NEK8: variants seen among roughly 807,000 people sequenced by gnomAD.
NEK8 encodes NIMA related kinase 8, also known as serine/threonine-protein kinase Nek8.
A neutral mutation model predicts 77.2 loss-of-function variants in NEK8; 51 were observed. The observed-to-expected ratio is 0.66, with a 90% confidence interval of 0.53 to 0.83. The LOEUF is 0.83. Among genes scored for constraint, NEK8 ranks in the 40% least tolerant of loss-of-function variants. The pLI is 0.00. For missense variants in NEK8, 787 were observed against 909.2 expected (o/e 0.87, Z 1.73); for synonymous variants, 365 against 363.2 (o/e 1.00, Z -0.06).
chr17:28,738,635 C>CT (rs1567761101), intron 8 of NEK8, 36 bp from the exon 9 acceptor site: 3 of 1,598,468 alleles, frequency 1.9e-6, no homozygotes, highest in Admixed American at 3.3e-5. Context: ...TGTTTAACTT[C>CT]TTTCCCTTCT....
At chr17:28,738,835 G>A (rs559477180) in intron 9 of NEK8, 88 bp downstream of exon 9, 4 of 1,080,530 alleles carry the variant, frequency 3.7e-6, no homozygotes, top group East Asian at 2.4e-5. Flanking sequence ...GGGGGCAGGG[G>A]AGTTCCCAGC....
chr17:28,737,224 G>C lies in NEK8; in HGVS notation c.619-82G>C, dbSNP rs1048136877. On this transcript the variant is annotated intron_variant, in intron 4 of 14. Transcript: ENST00000268766. This position sits in a 1 kb window ranked among gnomAD's most constrained non-coding sequence, Gnocchi z 4.8. ...TAGCATGATGCCTCCAGGCAAAGCT[G>C]TTATTATCCCAGGAGACCAGGGGCT... is the stretch of plus-strand genomic sequence containing the variant. 8 of 1,428,772 alleles carry C rather than the reference G, an allele frequency of 5.6e-6. No individual in the cohort carries two copies. Among genetic ancestry groups the C allele is most frequent in the African/African-American group, 4.2e-5 (3 of 71,036 alleles). 88.5% of individuals were successfully genotyped at this position (1,428,772 alleles called of 1,614,324 possible).
Position 28,738,083 on chromosome 17 carries a change from C to T in NEK8, c.1072-12C>T, listed in dbSNP as rs780977790. The T allele has an allele frequency of 7.4e-6, 12 of 1,612,992 alleles. No individual in the cohort carries two copies. In the South Asian group the frequency reaches 1.3e-4, roughly 18 times the overall value. ...GGGTGCTCAGGCGCTGCCCATCCCC[C>T]TGCCCCTGCAGGCCCCACCCCTAGG... On this transcript the variant is annotated splice_polypyrimidine_tract_variant and intron_variant, in intron 7 of 14. Transcript: ENST00000268766.
Position 28,740,386 on chromosome 17 carries a change from C to T in NEK8, c.1418-77C>T. 1 of 1,270,290 alleles carries T rather than the reference C, an allele frequency of 7.9e-7. No homozygotes were observed. The highest frequency in any genetic ancestry group is 1.2e-6 in the Non-Finnish European group (1 of 866,628). 78.7% of individuals were successfully genotyped at this position (1,270,290 alleles called of 1,614,324 possible). ...AACAGAGAACTCATGCTGTTCCCTC[C>T]CCTCAGTGGGCCCTCCTCATTCGGG... On this transcript the variant is annotated intron_variant, in intron 10 of 14. Transcript: ENST00000268766. The surrounding 1 kb of genome is among the most constrained non-coding windows in gnomAD (Gnocchi z 4.7).
chr17:28,729,516 C>G (rs187825759), intron 1 of NEK8, among the ~76,000 whole-genome samples: 1 of 150,296 alleles, frequency 6.7e-6, no homozygotes, highest in Non-Finnish European at 1.5e-5. Context: ...CCACCATGCC[C>G]GGCTAAATTT....
Position 28,734,047 on chromosome 17 carries a change from G to C in NEK8, c.112G>C (p.Glu38Gln), listed in dbSNP as rs147141279. ...GGTGATCATCAAGCAGATTCCAGTG[G>C]AACAGATGACCAAGGAAGAGCGGCA... ...KLVIIKQIPV[E>Q]QMTKEERQAA... The change falls in exon 2 of 15, where the codon GAA (glutamate) becomes CAA (glutamine). Residue 38 changes from glutamate (E) to glutamine (Q), a missense_variant. Physicochemically the swap from Glu to Gln is conservative, Grantham distance 29 (BLOSUM62 2). Around this residue, in one of 2 missense-constraint regions of NEK8, gnomAD observed 271 missense variants for 365.1 expected, o/e 0.74. Transcript: ENST00000268766. 79 of 1,614,138 alleles carry C rather than the reference G, an allele frequency of 4.9e-5. No homozygotes were observed. The highest frequency in any genetic ancestry group is 6.4e-5 in the Non-Finnish European group (75 of 1,180,056).
rs1353124864 is a variant in NEK8, at chr17:28,737,966, G to A, written c.1037G>A (p.Gly346Asp). The A allele has an allele frequency of 6.2e-7, 1 of 1,612,164 alleles. No individual in the cohort carries two copies. The highest frequency in any genetic ancestry group is 1.1e-5 in the South Asian group (1 of 91,040). Residue 346 changes from glycine to aspartate, a missense_variant, in exon 7 of 15, where the codon GGC (glycine) becomes GAC (aspartate). Gly to Asp is a moderately conservative substitution (Grantham distance 94). Around this residue, in one of 2 missense-constraint regions of NEK8, gnomAD observed 516 missense variants for 544.0 expected, o/e 0.95. Transcript: ENST00000268766. The surrounding 1 kb of genome is among the most constrained non-coding windows in gnomAD (Gnocchi z 4.8). Reference protein sequence around the residue: ...QVAAGRTQKAGVTRSGRLILW... With the variant: ...QVAAGRTQKADVTRSGRLILW... ...GCAGCTGGGCGCACGCAGAAAGCCG[G>A]CGTCACGCGCTCTGGGCGTCTCATC...
chr17:28,737,737 G>T lies in NEK8; in HGVS notation c.889+1G>T, dbSNP rs780247729. On this transcript the variant is annotated splice_donor_variant, in intron 6 of 14. Transcript: ENST00000268766. LOFTEE classifies it high-confidence loss of function. This position sits in a 1 kb window ranked among gnomAD's most constrained non-coding sequence, Gnocchi z 4.8. The stretch of plus-strand genomic sequence containing the variant: ...AGGACCACCAGTGTCCGCTGCAGAG[G>T]TAAGTGGGAAGAGGCCGCCAGTCCC... 1.4e-5 allele frequency: 23 copies of T among 1,614,034 alleles called. No individual in the cohort carries two copies. The highest frequency in any genetic ancestry group is 1.8e-5 in the Non-Finnish European group (21 of 1,180,036).
Position 28,740,716 on chromosome 17 carries a change from G to T in NEK8, c.1568+103G>T, listed in dbSNP as rs551738760. 6 of 1,576,956 alleles carry T rather than the reference G, an allele frequency of 3.8e-6. No homozygotes were observed. Among genetic ancestry groups the T allele is most frequent in the Admixed American group, 1.7e-5 (1 of 59,988 alleles). ...TTCACCAAAGACCAGAATTGAGGGG[G>T]TTGAGGGTGCTATTGGTTCAACCCA... On this transcript the variant is annotated intron_variant, in intron 11 of 14. Coordinates refer to ENST00000268766, the MANE Select transcript of NEK8 (RefSeq NM_178170.3). This position sits in a 1 kb window ranked among gnomAD's most constrained non-coding sequence, Gnocchi z 4.7.
intron 10 of NEK8, among the ~76,000 whole-genome samples, chr17:28,739,813 G>C (rs957218855): frequency 1.3e-5 from 2 of 152,188 alleles, no homozygotes; most frequent in African/African-American, 4.8e-5. Flanking sequence ...TGAAACTAGA[G>C]ATGACACTGA....
At chr17:28,731,381 TAAA>T (rs1172785350) in intron 1 of NEK8, among the ~76,000 whole-genome samples, 1 of 150,888 alleles carries the variant, frequency 6.6e-6, no homozygotes, top group African/African-American at 2.4e-5. Context: ...CTACTAAAAA[TAAA>T]AAAATTAGCT....
At chr17:28,734,618 G>C (rs966731059) in intron 2 of NEK8, 154 bp from the exon 3 acceptor site, 20 of 637,570 alleles carry the variant, frequency 3.1e-5, no homozygotes, top group Non-Finnish European at 4.2e-5. Flanking sequence ...CGGGAGGGGG[G>C]GCTTGCAGCA....
intron 1 of NEK8, among the ~76,000 whole-genome samples, chr17:28,731,084 C>G (rs1026857301): frequency 6.6e-6 from 1 of 151,990 alleles, no homozygotes; most frequent in Non-Finnish European, 1.5e-5. Context: ...GAAACCCCAT[C>G]TCTACTAAAA....
At position 28,742,186 on chromosome 17, in the gene NEK8, G is replaced by A. The variant is rs2034430262; in HGVS notation, c.*199G>A. 1.5e-6 allele frequency: 1 copy of A among 677,148 alleles called. No homozygotes were observed. The highest frequency in any genetic ancestry group is 2.1e-5 in the Admixed American group (1 of 48,634). 41.9% of individuals were successfully genotyped at this position (677,148 alleles called of 1,614,324 possible). ...CACTTTGTTCTCCTACCACCTCTTT[G>A]CCCTTCCTACCCCTTCCTCCCTTCA... is the stretch of plus-strand genomic sequence containing the variant. On this transcript the variant is annotated 3_prime_UTR_variant, in exon 15 of 15. Transcript: ENST00000268766.
At chr17:28,728,959 C>T in intron 1 of NEK8, 99 bp downstream of exon 1, 1 of 1,135,482 alleles carries the variant, frequency 8.8e-7, no homozygotes, top group South Asian at 1.3e-5. Context: ...CGCCCCAAGG[C>T]GTGAGCGCCA....
Position 28,740,985 on chromosome 17 carries a change from G to T in NEK8, c.1732G>T (p.Ala578Ser), listed in dbSNP as rs752115248. ...LGTAHSAAVT[A>S]SGDCYTFGSN... is the part of the protein sequence containing the mutation. ...CACTGCTCACTCAGCTGCTGTGACT[G>T]GTGAGGAGGACTTGGGCTCTGGAGG... The change falls in exon 12 of 15, where the codon GCC becomes TCC. Residue 578 changes from alanine (A) to serine (S), a missense_variant and splice_region_variant. By Grantham distance (99) the Ala-to-Ser change is moderately conservative (BLOSUM62 1). Around this residue, in one of 2 missense-constraint regions of NEK8, gnomAD observed 516 missense variants for 544.0 expected, o/e 0.95. Coordinates refer to ENST00000268766, the MANE Select transcript of NEK8 (RefSeq NM_178170.3). This position sits in a 1 kb window ranked among gnomAD's most constrained non-coding sequence, Gnocchi z 4.7. 1 of 1,614,130 alleles carries T rather than the reference G, an allele frequency of 6.2e-7. No individual in the cohort carries two copies. The highest frequency in any genetic ancestry group is 8.5e-7 in the Non-Finnish European group (1 of 1,180,022).
chr17:28,740,835 G>C lies in NEK8; in HGVS notation c.1582G>C (p.Gly528Arg). Residue 528 changes from glycine to arginine, a missense_variant, in exon 12 of 15, where the codon GGC becomes CGC. Transcript: ENST00000268766. This position sits in a 1 kb window ranked among gnomAD's most constrained non-coding sequence, Gnocchi z 4.7. ...CTCTGCCCTCAGGTTCAACAAGCTG[G>C]GCCTGGACCACCTCTCCCTGGGGGA... ...ACGSNRFNKLGLDHLSLGEEP... is the reference protein window; with the variant it reads ...ACGSNRFNKLRLDHLSLGEEP... The C allele has an allele frequency of 6.2e-7, 1 of 1,613,842 alleles. No homozygotes were observed.
At position 28,741,234 on chromosome 17, in the gene NEK8, C is replaced by A; in HGVS notation, c.1889C>A (p.Ala630Glu). Residue 630 changes from alanine to glutamate, a missense_variant and splice_region_variant, in exon 13 of 15, where the codon GCA (alanine) becomes GAA (glutamate). Around this residue, in one of 2 missense-constraint regions of NEK8, gnomAD observed 516 missense variants for 544.0 expected, o/e 0.95. Coordinates refer to ENST00000268766, the MANE Select transcript of NEK8 (RefSeq NM_178170.3). This position sits in a 1 kb window ranked among gnomAD's most constrained non-coding sequence, Gnocchi z 4.5. ...CGDAFTVAIGAESEVYSWGKG... is the reference protein window; with the variant it reads ...CGDAFTVAIGEESEVYSWGKG... ...GATGCCTTCACTGTAGCTATTGGGGCAGGTGAGGACTGAGCATGGTGGGGG... is the reference window on the plus strand; with the variant it reads ...GATGCCTTCACTGTAGCTATTGGGGAAGGTGAGGACTGAGCATGGTGGGGG... 6.2e-7 allele frequency: 1 copy of A among 1,603,776 alleles called. No individual in the cohort carries two copies.
chr17:28,739,018 G>C (rs1203848580), intron 9 of NEK8, 66 bp from the exon 10 acceptor site: 1 of 1,154,014 alleles, frequency 8.7e-7, no homozygotes, highest in African/African-American at 1.5e-5. Flanking sequence ...GTCCCTACAG[G>C]GGGTGTTGAA....
Sources: allele counts gnomAD v4.1 joint callset (sites outside exome capture counted in the v4.1 genomes callset), GRCh38; gene constraint gnomAD v4.1.1; regional missense constraint gnomAD v4.1.1; non-coding constraint Gnocchi (gnomAD v3.1); transcripts MANE v1.5; gene names NCBI Gene and HGNC (gene_info 2026-07-23, HGNC 2026-07-21).